PRKRIP1: variants seen among roughly 807,000 people sequenced by gnomAD.
PRKRIP1 encodes the protein PRKR interacting protein 1, also known as PRKR-interacting protein 1.
A neutral mutation model predicts 29.3 loss-of-function variants in PRKRIP1; 29 were observed. The observed-to-expected ratio is 0.99, with a 90% CI of 0.74 to 1.35. PRKRIP1 has a LOEUF of 1.35. Among genes scored for constraint, PRKRIP1 ranks in the 40% most tolerant of loss-of-function variants. The probability of loss-of-function intolerance (pLI) is 0.00; values close to 1 mark genes in which losing one functional copy is unlikely to be tolerated. For missense variants in PRKRIP1, 247 were observed against 236.8 expected, an observed-to-expected ratio of 1.04 and a Z score of -0.28; for synonymous variants, 90 against 85.1, an observed-to-expected ratio of 1.06 and a Z score of -0.32.
Position 102,407,479 on chromosome 7 carries a change from T to G in PRKRIP1, c.438T>G (p.Leu146=), listed in dbSNP as rs1796264432. 6.2e-7 allele frequency: 1 copy of G among 1,613,136 alleles called. No homozygotes were observed. Among genetic ancestry groups the G allele is most frequent in the Admixed American group, 1.7e-5 (1 of 59,976 alleles). Residue 146 remains leucine (L), a synonymous_variant, in exon 5 of 6, where the codon CTT becomes CTG. Transcript: ENST00000397912. The part of the protein sequence containing the change: ...EKKLLAKKMK[L]EQKKQEGPGQ... ...AATTACTGGCAAAGAAGATGAAACT[T>G]GAACAGAAGAAACAAGAAGGTGAGT...
At chr7:102,402,167 G>A (rs770698988) in intron 3 of PRKRIP1, among the ~76,000 whole-genome samples, 13 of 152,280 alleles carry the variant, frequency 8.5e-5, no homozygotes, top group Non-Finnish European at 1.6e-4. Context: ...ATCAAGCTGG[G>A]TGCGGCAGCT....
At chr7:102,422,499 G>A (rs556818222) in intron 5 of PRKRIP1, among the ~76,000 whole-genome samples, 1 of 152,040 alleles carries the variant, frequency 6.6e-6, no homozygotes, top group African/African-American at 2.4e-5. Flanking sequence ...GCACCACCAC[G>A]CCCAGCTAAT....
At chr7:102,411,788 C>T (rs1371884948) in intron 5 of PRKRIP1, among the ~76,000 whole-genome samples, 1 of 143,722 alleles carries the variant, frequency 7.0e-6, no homozygotes, top group Non-Finnish European at 1.5e-5. Context: ...TCCACATCCT[C>T]ACCAACACTT....
intron 5 of PRKRIP1, among the ~76,000 whole-genome samples, chr7:102,417,365 C>T (rs376124393): frequency 2.9e-4 from 44 of 152,224 alleles, no homozygotes; most frequent in African/African-American, 9.6e-4. Context: ...CTGTGTTCCT[C>T]CTCCCTGACA....
chr7:102,410,897 T>G (rs1796364042), intron 5 of PRKRIP1, among the ~76,000 whole-genome samples: 1 of 152,190 alleles, frequency 6.6e-6, no homozygotes, highest in Non-Finnish European at 1.5e-5. Flanking sequence ...ATGTTTGGAT[T>G]CAAGGCTACC....
intron 4 of PRKRIP1, among the ~76,000 whole-genome samples, chr7:102,405,359 A>G (rs945005652): frequency 3.7e-4 from 56 of 152,226 alleles, no homozygotes; most frequent in African/African-American, 1.2e-3. Context: ...GTGTGTTTAC[A>G]TAAGTGGTCT....
At chr7:102,397,401 C>T (rs1795937000) in intron 1 of PRKRIP1, among the ~76,000 whole-genome samples, 2 of 151,936 alleles carry the variant, frequency 1.3e-5, no homozygotes, top group South Asian at 4.2e-4. Flanking sequence ...AAAAAATTGC[C>T]TGGTGTGGTG....
intron 5 of PRKRIP1, among the ~76,000 whole-genome samples, chr7:102,417,896 A>G (rs1193998937): frequency 6.6e-6 from 1 of 150,914 alleles, no homozygotes; most frequent in Non-Finnish European, 1.5e-5. Context: ...TGCTGGAATT[A>G]CAGGCATGAA....
chr7:102,414,707 A>G (rs1796483608), intron 5 of PRKRIP1, among the ~76,000 whole-genome samples: 3 of 152,112 alleles, frequency 2.0e-5, no homozygotes. Flanking sequence ...CAACATGGTA[A>G]AACCCTATCT....
At chr7:102,408,018 C>T (rs1293491969) in intron 5 of PRKRIP1, among the ~76,000 whole-genome samples, 1 of 152,150 alleles carries the variant, frequency 6.6e-6, no homozygotes, top group Non-Finnish European at 1.5e-5. Flanking sequence ...GCCTAAACCA[C>T]GAGGAGTTGG....
chr7:102,408,513 T>TC (rs2133181098), intron 5 of PRKRIP1, among the ~76,000 whole-genome samples: 1 of 152,216 alleles, frequency 6.6e-6, no homozygotes, highest in East Asian at 1.9e-4. Context: ...AGTGGTGCTA[T>TC]CCCCCATCCC....
At chr7:102,402,915 C>T (rs1796112155) in intron 3 of PRKRIP1, among the ~76,000 whole-genome samples, 1 of 151,924 alleles carries the variant, frequency 6.6e-6, no homozygotes, top group African/African-American at 2.4e-5. Context: ...CAGAGTCTCA[C>T]TCTGTCACCC....
chr7:102,398,088 G>A (rs1455978397), intron 2 of PRKRIP1, among the ~76,000 whole-genome samples: 1 of 152,072 alleles, frequency 6.6e-6, no homozygotes, highest in Non-Finnish European at 1.5e-5. Context: ...CCTGTAGTTG[G>A]TATTTGTTAA....
chr7:102,403,517 G>A (rs1311049358), intron 3 of PRKRIP1, among the ~76,000 whole-genome samples: 1 of 151,886 alleles, frequency 6.6e-6, no homozygotes, highest in African/African-American at 2.4e-5. Flanking sequence ...TATTTTTTTT[G>A]AGACAGTCTC....
chr7:102,407,532 C>A, intron 5 of PRKRIP1, 34 bp downstream of exon 5: 2 of 1,520,436 alleles, frequency 1.3e-6, no homozygotes, highest in Non-Finnish European at 1.8e-6. Context: ...GCTGTAGCTT[C>A]TTTCTTCTTG....
At chr7:102,397,582 G>C in intron 1 of PRKRIP1, 38 bp from the exon 2 acceptor site, 8 of 1,551,714 alleles carry the variant, frequency 5.2e-6, no homozygotes, top group Non-Finnish European at 7.1e-6. Flanking sequence ...TTTGTCAACA[G>C]GTTTATACTT....
intron 5 of PRKRIP1, among the ~76,000 whole-genome samples, chr7:102,422,611 C>T (rs975832095): frequency 2.7e-5 from 4 of 150,156 alleles, no homozygotes; most frequent in Admixed American, 6.6e-5. Flanking sequence ...GAAAGTGCTA[C>T]GATTACAGGC....
chr7:102,423,120 CT>C (rs782193171), intron 5 of PRKRIP1: 26,513 of 326,240 alleles, frequency 0.081, 2 homozygotes, highest in South Asian at 0.12. Flanking sequence ...ACCCTATGCT[CT>C]TTTTTTTTTT....
Position 102,396,529 on chromosome 7 carries a change from A to C in PRKRIP1, c.118A>C (p.Lys40Gln), listed in dbSNP as rs1795902558. Residue 40 changes from lysine (K) to glutamine (Q), a missense_variant, in exon 1 of 6, where the codon AAG becomes CAG. Coordinates refer to ENST00000397912, the MANE Select transcript of PRKRIP1 (RefSeq NM_024653.4). Reference sequence around the variant, plus strand: ...GAAGCTCAAGCTGGAGCGGCTCATGAAGAACCCGGTGAGACGAGGCCCAGG... The same window carrying C: ...GAAGCTCAAGCTGGAGCGGCTCATGCAGAACCCGGTGAGACGAGGCCCAGG... ...EQKLKLERLM[K>Q]NPDKAVPIPE... 6.2e-7 allele frequency: 1 copy of C among 1,607,972 alleles called. No individual in the cohort carries two copies. The highest frequency in any genetic ancestry group is 1.3e-5 in the African/African-American group (1 of 74,472).
Sources: allele counts gnomAD v4.1 joint callset (sites outside exome capture counted in the v4.1 genomes callset), GRCh38; gene constraint gnomAD v4.1.1; transcripts MANE v1.5; gene names NCBI Gene and HGNC (gene_info 2026-07-23, HGNC 2026-07-21).